Variants in MSH3 observed in about 807,000 individuals in gnomAD.
MSH3 encodes DNA mismatch repair protein Msh3.
A neutral mutation model predicts 123.3 loss-of-function variants in MSH3; 106 were observed. That is an observed-to-expected ratio of 0.86 (90% CI 0.73 to 1.01). The LOEUF (loss-of-function observed/expected upper bound fraction) is 1.01, where lower values mean the gene tolerates loss of function less well. MSH3 is among the 50% of genes least tolerant of loss of function. The pLI is 0.00. For synonymous variants in MSH3, 515 were observed against 481.4 expected, an observed-to-expected ratio of 1.07 and a Z score of -0.91; for missense variants, 1,459 against 1,347.6, an observed-to-expected ratio of 1.08 and a Z score of -1.29.
intron 16 of MSH3, among the ~76,000 whole-genome samples, chr5:80,778,378 C>T (rs6151821): frequency 0.022 from 3,423 of 152,218 alleles, 118 homozygotes; most frequent in African/African-American, 0.077. Context: ...CCAGCTTTGT[C>T]TTATTTTCTT....
chr5:80,831,996 G>T (rs1381405977), intron 20 of MSH3, among the ~76,000 whole-genome samples: 1 of 152,104 alleles, frequency 6.6e-6, no homozygotes, highest in Non-Finnish European at 1.5e-5. Flanking sequence ...TATAGTCCCA[G>T]CTACTCGGGA....
intron 8 of MSH3, among the ~76,000 whole-genome samples, chr5:80,722,209 A>T (rs1217171374): frequency 2.6e-5 from 4 of 152,246 alleles, no homozygotes; most frequent in Admixed American, 2.6e-4. Flanking sequence ...AAGGAAAATC[A>T]TAAAAATAGA....
intron 20 of MSH3, among the ~76,000 whole-genome samples, chr5:80,846,128 T>C (rs1420030701): frequency 1.3e-5 from 2 of 152,192 alleles, no homozygotes; most frequent in Admixed American, 6.5e-5. Context: ...GCTATTTCTT[T>C]CTGTTTGTTA....
At chr5:80,803,799 G>A (rs1163927350) in intron 19 of MSH3, among the ~76,000 whole-genome samples, 1 of 151,680 alleles carries the variant, frequency 6.6e-6, no homozygotes, top group African/African-American at 2.4e-5. Context: ...GCATATGGGG[G>A]TATTGAAGAG....
chr5:80,804,199 T>G (rs1580059705), intron 19 of MSH3, among the ~76,000 whole-genome samples: 1 of 152,254 alleles, frequency 6.6e-6, no homozygotes, highest in African/African-American at 2.4e-5. Context: ...GTGGAATATC[T>G]TTCCCTTTTT....
chr5:80,806,344 G>T (rs564237683), intron 19 of MSH3, among the ~76,000 whole-genome samples: 1 of 151,992 alleles, frequency 6.6e-6, no homozygotes, highest in South Asian at 2.1e-4. Flanking sequence ...TGATCTGCCC[G>T]CCTCGGCCTC....
intron 21 of MSH3, among the ~76,000 whole-genome samples, chr5:80,861,357 A>G (rs1379198728): frequency 6.6e-6 from 1 of 152,110 alleles, no homozygotes. Flanking sequence ...CCCACCCCTC[A>G]GGTGGGATAG....
In MSH3 at chr5:80,762,830, G is replaced by GTTATT. The variant is rs60090459; in HGVS notation, c.1896+1157_1896+1161dup. 2.3e-4 allele frequency among the ~76,000 whole-genome samples: 28 copies of GTTATT among 121,014 alleles called. 2 individuals are homozygous for GTTATT. Among genetic ancestry groups the GTTATT allele is most frequent in the African/African-American group, 8.2e-4 (27 of 32,974 alleles). The allele number at this position is 121,014 out of a possible 152,430, so 79.4% of individuals were successfully genotyped here. Reference sequence around the variant, plus strand: ...GTTATGTTATGTTATGTTATGTTATGTTATTTTATGTTATTTTATTTTATT... The same window carrying GTTATT: ...GTTATGTTATGTTATGTTATGTTATGTTATTTTATTTTATGTTATTTTATTTTATT... On this transcript the variant is annotated intron_variant, in intron 13 of 23. Coordinates refer to ENST00000265081, the MANE Select transcript of MSH3 (RefSeq NM_002439.5).
chr5:80,775,470 A>G (rs1744281419), intron 15 of MSH3, among the ~76,000 whole-genome samples: 1 of 152,200 alleles, frequency 6.6e-6, no homozygotes, highest in Non-Finnish European at 1.5e-5. Flanking sequence ...AAGCCCAAGT[A>G]TTACAAATGT....
chr5:80,745,707 A>C (rs1024206723), intron 12 of MSH3, among the ~76,000 whole-genome samples: 2 of 152,326 alleles, frequency 1.3e-5, no homozygotes, highest in Middle Eastern at 3.4e-3. Flanking sequence ...CTCACCTTTG[A>C]CATGGTGGAA....
At chr5:80,825,720 A>G (rs924516570) in intron 20 of MSH3, among the ~76,000 whole-genome samples, 2 of 152,246 alleles carry the variant, frequency 1.3e-5, no homozygotes, top group Admixed American at 1.3e-4. Flanking sequence ...AAAATAGATT[A>G]GAATAAGAAA....
intron 20 of MSH3, 86 bp downstream of exon 20, chr5:80,813,827 T>A (rs757921301): frequency 5.2e-4 from 722 of 1,401,320 alleles, no homozygotes; most frequent in Non-Finnish European, 7.0e-4. Flanking sequence ...GTGTACATAT[T>A]TAGATGCTCT....
At chr5:80,850,243 T>C (rs1745806519) in intron 20 of MSH3, among the ~76,000 whole-genome samples, 1 of 152,210 alleles carries the variant, frequency 6.6e-6, no homozygotes. Flanking sequence ...AACATGTCTG[T>C]AGGAAGTTCC....
intron 12 of MSH3, among the ~76,000 whole-genome samples, chr5:80,759,772 G>C (rs1255316896): frequency 6.6e-6 from 1 of 152,158 alleles, no homozygotes; most frequent in African/African-American, 2.4e-5. Context: ...TTTGGACTTA[G>C]ACTATAGTAG....
At chr5:80,730,875 C>G (rs1743396674) in intron 10 of MSH3, among the ~76,000 whole-genome samples, 1 of 138,448 alleles carries the variant, frequency 7.2e-6, no homozygotes, top group South Asian at 2.3e-4. Flanking sequence ...ATGTGTCCTC[C>G]TCATATATAT....
intron 21 of MSH3, among the ~76,000 whole-genome samples, chr5:80,856,707 TAAA>T (rs1028678802): frequency 6.6e-6 from 1 of 151,628 alleles, no homozygotes. Context: ...ATAATAATAA[TAAA>T]AAAAAGAAAC....
chr5:80,863,018 G>T (rs1002014051), intron 21 of MSH3, among the ~76,000 whole-genome samples: 1 of 152,172 alleles, frequency 6.6e-6, no homozygotes, highest in African/African-American at 2.4e-5. Flanking sequence ...CATGCCACAG[G>T]TTATTTATTA....
In MSH3 at chr5:80,700,047, G is replaced by A. The variant is rs566325381; in HGVS notation, c.1340+20954G>A. Among the ~76,000 whole-genome samples, 4 of 152,080 alleles carry A rather than the reference G, an allele frequency of 2.6e-5. No individual in the cohort carries two copies. The East Asian group carries it at 5.8e-4, about 22-fold the overall frequency. Reference sequence around the variant, plus strand: ...TTCTGTTTCATTATGTTTATTAGACGGTAGTTTCACTTAACTATTTAGATA... The same window carrying A: ...TTCTGTTTCATTATGTTTATTAGACAGTAGTTTCACTTAACTATTTAGATA... On this transcript the variant is annotated intron_variant, in intron 8 of 23. Transcript: ENST00000265081.
chr5:80,748,501 A>G (rs1010892043), intron 12 of MSH3, among the ~76,000 whole-genome samples: 49 of 152,044 alleles, frequency 3.2e-4, no homozygotes, highest in African/African-American at 1.2e-3. Context: ...TCTCACCTGT[A>G]GTTTTTATCA....
Sources: allele counts gnomAD v4.1 joint callset (sites outside exome capture counted in the v4.1 genomes callset), GRCh38; gene constraint gnomAD v4.1.1; transcripts MANE v1.5; gene names NCBI Gene and HGNC (gene_info 2026-07-23, HGNC 2026-07-21).